PHACTR1: variants seen among roughly 807,000 people sequenced by gnomAD.
PHACTR1 encodes RPEL repeat containing 1.
PHACTR1 carries 16 observed loss-of-function variants against 69.2 expected under a neutral mutation model. That is an observed-to-expected ratio of 0.23 (90% CI 0.16 to 0.35). The LOEUF (loss-of-function observed/expected upper bound fraction) is 0.35. PHACTR1 is among the 10% of genes least tolerant of loss of function. The pLI is 1.00. For missense variants in PHACTR1, 510 were observed against 734.7 expected (o/e 0.69, Z 3.54); for synonymous variants, 312 against 284.5 (o/e 1.10, Z -0.97).
chr6:13,231,105 G>GGGA (rs1562037449), intron 10 of PHACTR1, among the ~76,000 whole-genome samples: 1,050 of 99,278 alleles, frequency 0.011, 68 homozygotes, highest in South Asian at 0.023. Flanking sequence ...GAAGGGAAAA[G>GGGA]AAAGAAGGAA....
At chr6:12,777,792 C>T (rs908736910) in intron 4 of PHACTR1, among the ~76,000 whole-genome samples, 5 of 151,988 alleles carry the variant, frequency 3.3e-5, no homozygotes, top group Non-Finnish European at 7.4e-5. Context: ...CCACCGTGCC[C>T]GGCTAATTTT....
At chr6:12,788,526 C>T (rs1208325249) in intron 4 of PHACTR1, among the ~76,000 whole-genome samples, 1 of 152,178 alleles carries the variant, frequency 6.6e-6, no homozygotes, top group Non-Finnish European at 1.5e-5. Flanking sequence ...CACCTTGATT[C>T]ACTGTTCTGA....
rs147024576 is a variant in PHACTR1, at chr6:12,758,129, A to G, written c.250+8339A>G. Among the ~76,000 whole-genome samples the G allele has an allele frequency of 1.4e-3, 208 of 152,120 alleles. 1 individual carries two copies. Among genetic ancestry groups the G allele is most frequent in the African/African-American group, 4.0e-3 (166 of 41,486 alleles). ...TCTGTCTCAAAAAAAATGAAAAAGCAGTTATGCAAGTCACAGGTTAAAAAT... is the reference window on the plus strand; with the variant it reads ...TCTGTCTCAAAAAAAATGAAAAAGCGGTTATGCAAGTCACAGGTTAAAAAT... On this transcript the variant is annotated intron_variant, in intron 4 of 14. Transcript: ENST00000332995.
chr6:13,175,032 C>T (rs896776341), intron 6 of PHACTR1, among the ~76,000 whole-genome samples: 20 of 152,176 alleles, frequency 1.3e-4, no homozygotes, highest in Admixed American at 2.0e-4. Flanking sequence ...TTCATTTCTT[C>T]CTCCCTGTCT....
intron 8 of PHACTR1, 37 bp downstream of exon 8, chr6:13,206,173 G>A (rs1225586815): frequency 7.3e-6 from 11 of 1,499,234 alleles, no homozygotes; most frequent in African/African-American, 1.4e-5. Flanking sequence ...CGGGAGGAGA[G>A]GGGTTGGCTG....
intron 4 of PHACTR1, among the ~76,000 whole-genome samples, chr6:12,838,786 C>T (rs762670370): frequency 1.3e-4 from 20 of 152,094 alleles, no homozygotes; most frequent in South Asian, 6.2e-4. Context: ...AAAATAACCC[C>T]AACCCCCACA....
chr6:13,237,542 G>A (rs913338084), intron 10 of PHACTR1, among the ~76,000 whole-genome samples: 1 of 152,170 alleles, frequency 6.6e-6, no homozygotes, highest in African/African-American at 2.4e-5. Flanking sequence ...TGCACATGCC[G>A]AGGAGACAAT....
intron 9 of PHACTR1, 90 bp from the exon 10 acceptor site, chr6:13,229,947 T>C: frequency 7.1e-7 from 1 of 1,410,424 alleles, no homozygotes; most frequent in South Asian, 1.5e-5. Context: ...ATGACTTCCT[T>C]CCTGCCTTGT....
chr6:13,218,883 G>GGA (rs1768144288), intron 8 of PHACTR1, among the ~76,000 whole-genome samples: 1 of 26,946 alleles, frequency 3.7e-5, no homozygotes. Flanking sequence ...GAAGAGAAGA[G>GGA]AAGAGAAGAG....
At chr6:13,038,643 T>C (rs1803707863) in intron 4 of PHACTR1, among the ~76,000 whole-genome samples, 1 of 152,206 alleles carries the variant, frequency 6.6e-6, no homozygotes. Flanking sequence ...AGAGTTTGTA[T>C]AAAGTCAGGC....
intron 5 of PHACTR1, among the ~76,000 whole-genome samples, chr6:13,131,188 CACACATAT>C (rs1820368867): frequency 1.6e-5 from 1 of 60,908 alleles, no homozygotes; most frequent in Non-Finnish European, 3.2e-5. Flanking sequence ...TACACACACA[CACACATAT>C]ATATATACAC....
chr6:13,212,261 C>A (rs1766966047), intron 8 of PHACTR1, among the ~76,000 whole-genome samples: 1 of 152,212 alleles, frequency 6.6e-6, no homozygotes, highest in Admixed American at 6.5e-5. Flanking sequence ...TCTGGGGACA[C>A]TGCTCAGCTC....
At chr6:13,035,331 A>G (rs1325327261) in intron 4 of PHACTR1, among the ~76,000 whole-genome samples, 2 of 152,146 alleles carry the variant, frequency 1.3e-5, no homozygotes, top group Admixed American at 1.3e-4. Context: ...ATTTTATTAT[A>G]TACCCTCCTC....
intron 4 of PHACTR1, among the ~76,000 whole-genome samples, chr6:12,829,193 G>GATA (rs1777140004): frequency 6.6e-6 from 1 of 151,870 alleles, no homozygotes; most frequent in Admixed American, 6.6e-5. Context: ...GCCCAGGGGA[G>GATA]TTATTATCAC....
chr6:13,117,831 C>A lies in PHACTR1; in HGVS notation c.416-42373C>A, dbSNP rs796105403. Among the ~76,000 whole-genome samples the A allele has an allele frequency of 1.1e-4, 17 of 152,308 alleles. 2 individuals carry two copies. Among genetic ancestry groups the A allele is most frequent in the African/African-American group, 4.1e-4 (17 of 41,566 alleles). The stretch of plus-strand genomic sequence containing the variant: ...TGTAATCTCCTTCCTTAGCCATCTC[C>A]TTTCCTGTGCTTTTATCCCACCTAA... On this transcript the variant is annotated intron_variant, in intron 5 of 14. Coordinates refer to ENST00000332995, the MANE Select transcript of PHACTR1 (RefSeq NM_030948.6).
rs1157173073 is a variant in PHACTR1 at position 13,287,080 on chromosome 6, A to G, written c.*2A>G. ...TTCCTTAGGTTTCACCGACCTTAAC[A>G]GTCGAATTCCTCTTGAGTGCTATGC... On this transcript the variant is annotated 3_prime_UTR_variant, in exon 15 of 15. Transcript: ENST00000332995. 6.2e-7 allele frequency: 1 copy of G among 1,606,066 alleles called. No homozygotes were observed. The highest frequency in any genetic ancestry group is 1.3e-5 in the African/African-American group (1 of 74,872).
intron 3 of PHACTR1, among the ~76,000 whole-genome samples, chr6:12,738,232 T>C (rs1345136869): frequency 2.6e-5 from 4 of 152,246 alleles, no homozygotes; most frequent in African/African-American, 7.2e-5. Context: ...ATTAGACTTA[T>C]GTTTATGCAT....
intron 4 of PHACTR1, among the ~76,000 whole-genome samples, chr6:12,864,719 C>T (rs1390372781): frequency 1.3e-5 from 2 of 151,628 alleles, no homozygotes; most frequent in East Asian, 1.9e-4. Context: ...ATCACACCCC[C>T]ACAGTCTTAA....
intron 3 of PHACTR1, among the ~76,000 whole-genome samples, chr6:12,746,085 G>C (rs1356228818): frequency 6.6e-6 from 1 of 152,128 alleles, no homozygotes; most frequent in East Asian, 1.9e-4. Flanking sequence ...ACATGAAAAG[G>C]GACTGACTGT....
Sources: allele counts gnomAD v4.1 joint callset (sites outside exome capture counted in the v4.1 genomes callset), GRCh38; gene constraint gnomAD v4.1.1; transcripts MANE v1.5; gene names NCBI Gene and HGNC (gene_info 2026-07-23, HGNC 2026-07-21).